GRIK2: variants seen among roughly 807,000 people sequenced by gnomAD.
The protein encoded by GRIK2 is glutamate ionotropic receptor kainate type subunit 2.
A neutral mutation model predicts 100.3 loss-of-function variants in GRIK2; 32 were observed. The ratio of observed to expected loss-of-function variants is 0.32; its 90% confidence interval spans 0.24 to 0.43. The LOEUF (loss-of-function observed/expected upper bound fraction) is 0.43, where lower values mean the gene tolerates loss of function less well. GRIK2 is among the 20% of genes least tolerant of loss of function. The probability of loss-of-function intolerance (pLI) is 1.00; values close to 1 mark genes in which losing one functional copy is unlikely to be tolerated. For missense variants in GRIK2, 843 were observed against 1,114.9 expected (o/e 0.76, Z 3.47); for synonymous variants, 417 against 389.4 (o/e 1.07, Z -0.83).
At chr6:101,615,346 C>G (rs1401715281) in intron 2 of GRIK2, among the ~76,000 whole-genome samples, 1 of 151,568 alleles carries the variant, frequency 6.6e-6, no homozygotes, top group African/African-American at 2.4e-5. Context: ...CTAAAAAGTT[C>G]AAGGTAAGTA....
chr6:101,602,452 C>G (rs1268658305), intron 2 of GRIK2, among the ~76,000 whole-genome samples: 1 of 151,018 alleles, frequency 6.6e-6, no homozygotes, highest in Non-Finnish European at 1.5e-5. Flanking sequence ...TTCTAATAGT[C>G]TAAGATACTA....
chr6:101,961,721 C>T (rs1007566869), intron 14 of GRIK2, among the ~76,000 whole-genome samples: 3 of 152,060 alleles, frequency 2.0e-5, no homozygotes, highest in East Asian at 1.9e-4. Flanking sequence ...GCATGTGACA[C>T]TCTCCCTTCC....
intron 11 of GRIK2, among the ~76,000 whole-genome samples, chr6:101,870,212 G>C (rs1431092010): frequency 6.6e-6 from 1 of 151,626 alleles, no homozygotes; most frequent in East Asian, 1.9e-4. Context: ...ATTTTACTTT[G>C]TGGCTTTCAA....
intron 4 of GRIK2, among the ~76,000 whole-genome samples, chr6:101,660,784 G>T (rs1769553128): frequency 6.6e-6 from 1 of 151,990 alleles, no homozygotes; most frequent in South Asian, 2.1e-4. Flanking sequence ...GACCCTTTTT[G>T]CTTGGGTGTC....
intron 14 of GRIK2, among the ~76,000 whole-genome samples, chr6:101,938,409 C>T (rs1790741343): frequency 6.6e-6 from 1 of 152,042 alleles, no homozygotes; most frequent in African/African-American, 2.4e-5. Flanking sequence ...AATTTTGGTG[C>T]TTGTTCATAA....
chr6:101,926,395 T>C (rs1176135266), intron 13 of GRIK2, among the ~76,000 whole-genome samples: 1 of 152,076 alleles, frequency 6.6e-6, no homozygotes, highest in East Asian at 1.9e-4. Context: ...TGGAGGGAGT[T>C]ATCCTCATAA....
At chr6:101,510,105 A>G (rs1370978590) in intron 2 of GRIK2, among the ~76,000 whole-genome samples, 1 of 152,182 alleles carries the variant, frequency 6.6e-6, no homozygotes, top group Non-Finnish European at 1.5e-5. Context: ...CAATTTTTAA[A>G]GAGATATAGG....
At chr6:101,968,550 C>T (rs1184646088) in intron 14 of GRIK2, among the ~76,000 whole-genome samples, 1 of 151,902 alleles carries the variant, frequency 6.6e-6, no homozygotes, top group Non-Finnish European at 1.5e-5. Flanking sequence ...AGGTAATATC[C>T]AGCACTCTAC....
At chr6:102,059,295 C>T (rs1022795769) in intron 16 of GRIK2, among the ~76,000 whole-genome samples, 13 of 151,338 alleles carry the variant, frequency 8.6e-5, no homozygotes, top group Non-Finnish European at 1.6e-4. Flanking sequence ...CTCAAGGACA[C>T]ATTGCTTTTT....
chr6:101,660,851 T>C (rs1769557801), intron 4 of GRIK2, among the ~76,000 whole-genome samples: 1 of 152,124 alleles, frequency 6.6e-6, no homozygotes, highest in African/African-American at 2.4e-5. Flanking sequence ...TCTGGAAGCT[T>C]CATCCCAGAT....
chr6:101,451,167 T>A (rs1770655888), intron 2 of GRIK2, among the ~76,000 whole-genome samples: 1 of 151,740 alleles, frequency 6.6e-6, no homozygotes, highest in African/African-American at 2.4e-5. Flanking sequence ...CTACTTAATC[T>A]TTATGTTTGA....
At chr6:101,509,786 A>G (rs972054447) in intron 2 of GRIK2, among the ~76,000 whole-genome samples, 1 of 152,196 alleles carries the variant, frequency 6.6e-6, no homozygotes, top group Non-Finnish European at 1.5e-5. Flanking sequence ...TTATTCACAA[A>G]TTGGTATTTT....
intron 1 of GRIK2, among the ~76,000 whole-genome samples, chr6:101,395,580 G>C (rs371855604): frequency 3.6e-4 from 55 of 152,296 alleles, no homozygotes; most frequent in African/African-American, 1.2e-3. Flanking sequence ...TTCACTGGCA[G>C]AATAGGAAAC....
chr6:101,615,921 C>T (rs567350629), intron 2 of GRIK2, among the ~76,000 whole-genome samples: 1 of 151,846 alleles, frequency 6.6e-6, no homozygotes, highest in East Asian at 1.9e-4. Flanking sequence ...CCTTATATTT[C>T]ACTTTACAAA....
chr6:101,478,135 A>T (rs1772342878), intron 2 of GRIK2, among the ~76,000 whole-genome samples: 1 of 152,198 alleles, frequency 6.6e-6, no homozygotes, highest in South Asian at 2.1e-4. Context: ...TGATTAATTA[A>T]TTTATTAACA....
intron 7 of GRIK2, among the ~76,000 whole-genome samples, chr6:101,691,133 T>C (rs1772064135): frequency 6.6e-6 from 1 of 152,152 alleles, no homozygotes; most frequent in South Asian, 2.1e-4. Context: ...TGTTAATTTA[T>C]TTTAATCATA....
At chr6:101,764,278 A>G (rs1583102485) in intron 7 of GRIK2, among the ~76,000 whole-genome samples, 1 of 152,140 alleles carries the variant, frequency 6.6e-6, no homozygotes, top group East Asian at 1.9e-4. Flanking sequence ...GAACTCATGT[A>G]CCAGACGCCT....
chr6:101,937,729 T>C (rs1582573961), intron 14 of GRIK2, among the ~76,000 whole-genome samples: 1 of 152,196 alleles, frequency 6.6e-6, no homozygotes, highest in African/African-American at 2.4e-5. Context: ...GAGGAAATTA[T>C]ACTTATTGAC....
intron 7 of GRIK2, among the ~76,000 whole-genome samples, chr6:101,781,917 G>A (rs1779121228): frequency 6.6e-6 from 1 of 151,906 alleles, no homozygotes; most frequent in Non-Finnish European, 1.5e-5. Flanking sequence ...TGCCAGTATG[G>A]GTTCTGATGA....
Sources: gnomAD v4.1 joint callset for allele counts (sites outside exome capture counted in the v4.1 genomes callset) on GRCh38, gnomAD v4.1.1 for gene constraint, MANE v1.5 for transcripts, NCBI Gene and HGNC (gene_info 2026-07-23, HGNC 2026-07-21) for gene names.